CIMAP2: variants seen among roughly 807,000 people sequenced by gnomAD.
CIMAP2 encodes ciliary microtubule-associated protein 2.
At chr1:54,841,889 AC>A in the CIMAP2 span, 1 of 1,550,518 alleles carries the variant, frequency 6.4e-7, no homozygotes, top group Non-Finnish European at 8.7e-7. Context: ...CATGCGAAGG[AC>A]AGCCTGCAGT....
chr1:54,811,018 C>T, the CIMAP2 span, among the ~76,000 whole-genome samples: 1 of 152,228 alleles, frequency 6.6e-6, no homozygotes, highest in Non-Finnish European at 1.5e-5. Flanking sequence ...CTCCTCGCTG[C>T]TCCCCAAGCA....
chr1:54,825,547 G>T, the CIMAP2 span, among the ~76,000 whole-genome samples: 1 of 152,096 alleles, frequency 6.6e-6, no homozygotes, highest in Non-Finnish European at 1.5e-5. Flanking sequence ...GCTGGGGGTG[G>T]GGGTGCCAGG....
chr1:54,811,967 C>T, the CIMAP2 span: 2 of 1,614,138 alleles, frequency 1.2e-6, no homozygotes, highest in South Asian at 1.1e-5. Context: ...GCCTGCCTTC[C>T]CGTCCTGCAG....
At chr1:54,808,026 G>A in the CIMAP2 span, 6 of 1,537,274 alleles carry the variant, frequency 3.9e-6, no homozygotes, top group African/African-American at 8.4e-5. Context: ...GTGTTCTCAT[G>A]TCTGGAGTCC....
the CIMAP2 span, among the ~76,000 whole-genome samples, chr1:54,819,545 T>A: frequency 4.6e-5 from 7 of 152,178 alleles, no homozygotes; most frequent in Non-Finnish European, 1.0e-4. Context: ...TTTTAATTTT[T>A]ATTTTTGTAG....
chr1:54,807,428 C>G, the CIMAP2 span: 1 of 1,385,392 alleles, frequency 7.2e-7, no homozygotes, highest in South Asian at 1.6e-5. Context: ...ATTGCCTACT[C>G]CCTTCCTCCG....
At chr1:54,839,085 C>T in the CIMAP2 span, among the ~76,000 whole-genome samples, 2 of 151,930 alleles carry the variant, frequency 1.3e-5, no homozygotes, top group Non-Finnish European at 2.9e-5. Flanking sequence ...CCATCTGGCT[C>T]CAAGCTGTGT....
the CIMAP2 span, chr1:54,811,768 T>TGGGGGGGGGCGGCCCCCCCC: frequency 1.9e-6 from 1 of 533,354 alleles, no homozygotes; most frequent in Non-Finnish European, 3.7e-6. Flanking sequence ...TCTGACAGCC[T>TGGGGGGGGGCGGCCCCCCCC]CCATGCCCCC....
At chr1:54,811,765 G>GCCGGGGGGGGGGGGGGCCCC in the CIMAP2 span, 8 of 1,301,312 alleles carry the variant, frequency 6.1e-6, no homozygotes, top group East Asian at 2.5e-5. Context: ...GGTTCTGACA[G>GCCGGGGGGGGGGGGGGCCCC]CCTCCATGCC....
chr1:54,807,202 C>T, the CIMAP2 span: 1 of 1,156,548 alleles, frequency 8.6e-7, no homozygotes, highest in South Asian at 1.2e-5. Context: ...CTTCTTCCAG[C>T]ACAGAGCTGG....
the CIMAP2 span, among the ~76,000 whole-genome samples, chr1:54,841,065 G>T: frequency 6.6e-6 from 1 of 152,210 alleles, no homozygotes; most frequent in East Asian, 1.9e-4. Flanking sequence ...GAGACAGGAG[G>T]TGTGGAGACC....
chr1:54,831,271 GGA>G, the CIMAP2 span, among the ~76,000 whole-genome samples: 1 of 152,054 alleles, frequency 6.6e-6, no homozygotes, highest in East Asian at 1.9e-4. Context: ...ACAAATATTG[GGA>G]TATATATGAA....
the CIMAP2 span, among the ~76,000 whole-genome samples, chr1:54,821,991 C>T: frequency 4.8e-5 from 5 of 103,952 alleles, no homozygotes; most frequent in South Asian, 2.5e-4. Flanking sequence ...CTCCGCCTCC[C>T]GGGTTCACGC....
chr1:54,815,061 G>A, the CIMAP2 span: 8 of 1,613,082 alleles, frequency 5.0e-6, 1 homozygote, highest in East Asian at 1.3e-4. Context: ...TGGGGTGAGG[G>A]ATACATGGGA....
the CIMAP2 span, among the ~76,000 whole-genome samples, chr1:54,821,432 A>G: frequency 1.3e-5 from 2 of 152,110 alleles, no homozygotes; most frequent in Non-Finnish European, 2.9e-5. Flanking sequence ...TTTCATTCTT[A>G]TGGATATTCA....
At chr1:54,827,383 C>G in the CIMAP2 span, among the ~76,000 whole-genome samples, 5,835 of 152,268 alleles carry the variant, frequency 0.038, 401 homozygotes, top group African/African-American at 0.13. Flanking sequence ...TAGCAAAAGA[C>G]TTTAAGGAAG....
At chr1:54,828,701 T>A in the CIMAP2 span, among the ~76,000 whole-genome samples, 1 of 152,272 alleles carries the variant, frequency 6.6e-6, no homozygotes, top group African/African-American at 2.4e-5. Context: ...TAAGACCCCA[T>A]TCTTATTAGC....
chr1:54,808,625 T>A, the CIMAP2 span, among the ~76,000 whole-genome samples: 1 of 91,338 alleles, frequency 1.1e-5, no homozygotes, highest in Non-Finnish European at 2.6e-5. Flanking sequence ...GGGAGGGCAG[T>A]GGAGGGCTTT....
the CIMAP2 span, chr1:54,807,491 G>A: frequency 1.0e-5 from 15 of 1,464,404 alleles, no homozygotes; most frequent in East Asian, 1.5e-4. Flanking sequence ...CTGGGCGGGC[G>A]TGGCTGTCAC....
Sources: allele counts gnomAD v4.1 joint callset (sites outside exome capture counted in the v4.1 genomes callset), GRCh38; gene constraint gnomAD v4.1.1; transcripts MANE v1.5; gene names NCBI Gene and HGNC (gene_info 2026-07-23, HGNC 2026-07-21).